RNGTT: variants seen among roughly 807,000 people sequenced by gnomAD.
RNGTT encodes the protein RNA guanylyltransferase and 5'-phosphatase.
A neutral mutation model predicts 79.3 loss-of-function variants in RNGTT; 33 were observed. The ratio of observed to expected loss-of-function variants is 0.42; its 90% CI spans 0.32 to 0.56. RNGTT has a LOEUF of 0.56. Among genes scored for constraint, RNGTT ranks in the 20% least tolerant of loss-of-function variants. The probability of loss-of-function intolerance (pLI) is 0.17; values close to 1 mark genes in which losing one functional copy is unlikely to be tolerated. For missense variants in RNGTT, 497 were observed against 739.1 expected, an observed-to-expected ratio of 0.67 and a Z score of 3.80; for synonymous variants, 222 against 235.9, an observed-to-expected ratio of 0.94 and a Z score of 0.54.
At position 88,832,438 on chromosome 6, in the gene RNGTT, A is replaced by G. The variant is rs192105220; in HGVS notation, c.1269+11919T>C. On this transcript the variant is annotated intron_variant, in intron 11 of 15. Transcript: ENST00000369485. ...TTCCTTATACAAAAATTAACTCAAG[A>G]TGAATTAAAGACTTAAACATAAGAC... is the stretch of plus-strand genomic sequence containing the variant. 3.6e-3 allele frequency among the ~76,000 whole-genome samples: 542 copies of G among 152,342 alleles called. 9 individuals carry two copies. The highest frequency in any genetic ancestry group is 0.013 in the African/African-American group (525 of 41,570).
At chr6:88,654,733 A>G (rs754725856) in intron 14 of RNGTT, among the ~76,000 whole-genome samples, 1 of 152,206 alleles carries the variant, frequency 6.6e-6, no homozygotes, top group Non-Finnish European at 1.5e-5. Flanking sequence ...TGCCAGAAGC[A>G]TATGGCAGCA....
Position 88,941,083 on chromosome 6 carries a change from T to C in RNGTT, c.162A>G (p.Leu54=), listed in dbSNP as rs770953114. 14 of 1,601,558 alleles carry C rather than the reference T, an allele frequency of 8.7e-6. No homozygotes were observed. Among genetic ancestry groups the C allele is most frequent in the African/African-American group, 4.0e-5 (3 of 74,660 alleles). Residue 54 remains leucine (L), a synonymous_variant, in exon 2 of 16, where the codon CTA becomes CTG. Coordinates refer to ENST00000369485, the MANE Select transcript of RNGTT (RefSeq NM_003800.5). ...RFHPSMLSNY[L]KSLKVKMGLL... is the part of the protein sequence containing the mutation. ...TTTTGTTTCTTACCTTTAGGCTCTT[T>C]AGGTAATTTGAGAGCATGCTGGGAT...
chr6:88,708,563 G>T (rs570693919), intron 13 of RNGTT, among the ~76,000 whole-genome samples: 1 of 152,120 alleles, frequency 6.6e-6, no homozygotes, highest in Non-Finnish European at 1.5e-5. Context: ...GGTCTTTAGG[G>T]CTGGTGCCAG....
chr6:88,836,013 CACACACACACATAT>C (rs1562277553), intron 11 of RNGTT, among the ~76,000 whole-genome samples: 4 of 121,856 alleles, frequency 3.3e-5, no homozygotes, highest in African/African-American at 1.2e-4. Context: ...CACACACACA[CACACACACACATAT>C]ATATATAAGA....
chr6:88,900,178 G>GA (rs1182359013), intron 6 of RNGTT, among the ~76,000 whole-genome samples: 5 of 146,620 alleles, frequency 3.4e-5, no homozygotes, highest in South Asian at 2.2e-4. Context: ...AAGGACACGA[G>GA]AAAAAAAACT....
intron 14 of RNGTT, among the ~76,000 whole-genome samples, chr6:88,648,988 G>C (rs1314786305): frequency 1.3e-5 from 2 of 152,118 alleles, no homozygotes; most frequent in African/African-American, 4.8e-5. Context: ...CCATCAATAG[G>C]TTCTTGGAAA....
chr6:88,812,626 G>A (rs984287056), intron 11 of RNGTT, among the ~76,000 whole-genome samples: 4 of 152,166 alleles, frequency 2.6e-5, no homozygotes, highest in African/African-American at 4.8e-5. Flanking sequence ...ATGTCTATAC[G>A]TGCCAGGCCA....
intron 1 of RNGTT, among the ~76,000 whole-genome samples, chr6:88,950,481 C>T (rs1271053413): frequency 1.3e-5 from 2 of 152,108 alleles, no homozygotes; most frequent in Non-Finnish European, 2.9e-5. Context: ...AAATCAAAAA[C>T]TTTCTGGAAA....
At chr6:88,838,890 G>GT (rs1421559345) in intron 11 of RNGTT, among the ~76,000 whole-genome samples, 6 of 152,188 alleles carry the variant, frequency 3.9e-5, no homozygotes, top group African/African-American at 1.4e-4. Context: ...AGACAGTATG[G>GT]TACTTGAGTA....
intron 11 of RNGTT, among the ~76,000 whole-genome samples, chr6:88,833,570 A>G (rs1165756010): frequency 6.6e-6 from 1 of 152,206 alleles, no homozygotes; most frequent in Admixed American, 6.5e-5. Context: ...CCAGAACTTA[A>G]AGCATAATTT....
intron 4 of RNGTT, among the ~76,000 whole-genome samples, chr6:88,922,111 G>A (rs540115366): frequency 6.6e-6 from 1 of 151,762 alleles, no homozygotes; most frequent in South Asian, 2.1e-4. Context: ...TGGCTATGTT[G>A]TCCAGGCTGG....
chr6:88,839,315 A>T (rs1402327636), intron 11 of RNGTT, among the ~76,000 whole-genome samples: 1 of 152,162 alleles, frequency 6.6e-6, no homozygotes. Flanking sequence ...TCATGCCTGT[A>T]ATCTCAACAC....
chr6:88,761,675 T>C (rs746874693), intron 13 of RNGTT, among the ~76,000 whole-genome samples: 35 of 152,314 alleles, frequency 2.3e-4, no homozygotes, highest in Non-Finnish European at 1.6e-4. Context: ...AGTTTCACTG[T>C]GACACAGTCA....
intron 13 of RNGTT, among the ~76,000 whole-genome samples, chr6:88,766,768 G>T (rs1778475729): frequency 6.6e-6 from 1 of 151,960 alleles, no homozygotes; most frequent in South Asian, 2.1e-4. Flanking sequence ...CATTTTCAAA[G>T]ACTATTATTT....
chr6:88,747,167 T>G (rs1777687015), intron 13 of RNGTT, among the ~76,000 whole-genome samples: 1 of 152,142 alleles, frequency 6.6e-6, no homozygotes, highest in Non-Finnish European at 1.5e-5. Context: ...AAAGCAATAT[T>G]GTGTTGGGGC....
At chr6:88,749,543 T>A (rs1777775674) in intron 13 of RNGTT, among the ~76,000 whole-genome samples, 1 of 151,512 alleles carries the variant, frequency 6.6e-6, no homozygotes, top group Admixed American at 6.6e-5. Context: ...GTAGGACAAA[T>A]AACACAAAAT....
At position 88,611,404 on chromosome 6, in the gene RNGTT, T is replaced by G. The variant is rs866458820; in HGVS notation, c.*1315A>C. The G allele has an allele frequency of 6.6e-6, 1 of 152,174 alleles. No individual in the cohort carries two copies. The highest frequency in any genetic ancestry group is 2.4e-5 in the African/African-American group (1 of 40,992). The allele number at this position is 152,174 out of a possible 1,614,324, so 9.4% of individuals were successfully genotyped here. On this transcript the variant is annotated 3_prime_UTR_variant, in exon 16 of 16. Coordinates refer to ENST00000369485, the MANE Select transcript of RNGTT (RefSeq NM_003800.5). ...ACAATTCAGACCATGAAAATTTGTT[T>G]TAAATACATTTACTTAAAACATGTA...
At chr6:88,936,220 C>T (rs1350815249) in intron 2 of RNGTT, among the ~76,000 whole-genome samples, 1 of 152,188 alleles carries the variant, frequency 6.6e-6, no homozygotes, top group African/African-American at 2.4e-5. Flanking sequence ...AGGTGTGACC[C>T]ACTGTCCAGC....
chr6:88,946,933 C>G (rs1295812349), intron 1 of RNGTT, among the ~76,000 whole-genome samples: 1 of 116,620 alleles, frequency 8.6e-6, no homozygotes, highest in Non-Finnish European at 1.8e-5. Context: ...GACGGAGTCT[C>G]GTTCACTCAG....
Sources: gnomAD v4.1 joint callset for allele counts (sites outside exome capture counted in the v4.1 genomes callset) on GRCh38, gnomAD v4.1.1 for gene constraint, MANE v1.5 for transcripts, NCBI Gene and HGNC (gene_info 2026-07-23, HGNC 2026-07-21) for gene names.